The following SHB variants were observed in gnomAD, a reference collection of about 807,000 sequenced individuals.
SHB encodes the protein SH2 domain-containing adapter protein B.
SHB carries 20 observed loss-of-function variants against 52.3 expected under a neutral mutation model. That is an observed-to-expected ratio of 0.38 (90% CI 0.27 to 0.56). The LOEUF (loss-of-function observed/expected upper bound fraction) is 0.56. Among genes scored for constraint, SHB ranks in the 20% least tolerant of loss-of-function variants. The pLI is 0.71. For missense variants in SHB, 825 were observed against 723.3 expected, an observed-to-expected ratio of 1.14 and a Z score of -1.61; for synonymous variants, 397 against 316.5, an observed-to-expected ratio of 1.25 and a Z score of -2.70.
At chr9:38,016,259 C>T (rs1408144668) in intron 1 of SHB, 128 bp from the exon 2 acceptor site, 5 of 901,452 alleles carry the variant, frequency 5.5e-6, no homozygotes, top group South Asian at 1.7e-5. Context: ...CTAAAGCCGG[C>T]GCCCGGACTC....
intron 1 of SHB, among the ~76,000 whole-genome samples, chr9:38,067,169 C>G (rs984783302): frequency 2.0e-5 from 3 of 151,998 alleles, no homozygotes; most frequent in Non-Finnish European, 4.4e-5. Flanking sequence ...GTTCCTGGGA[C>G]CTTATGGGGT....
chr9:37,959,959 C>T (rs947260815), intron 3 of SHB, among the ~76,000 whole-genome samples: 16 of 152,122 alleles, frequency 1.1e-4, no homozygotes, highest in Admixed American at 7.2e-4. Context: ...AATGAAGAAA[C>T]TTAATGAACT....
chr9:38,003,083 G>A (rs1821038553), intron 2 of SHB, among the ~76,000 whole-genome samples: 1 of 152,184 alleles, frequency 6.6e-6, no homozygotes, highest in Admixed American at 6.5e-5. Context: ...ATTTCTGGGT[G>A]TAAATTAGAC....
intron 1 of SHB, among the ~76,000 whole-genome samples, chr9:38,066,853 C>G (rs570992458): frequency 1.3e-5 from 2 of 152,276 alleles, no homozygotes; most frequent in African/African-American, 4.8e-5. Context: ...GACTCTTAAT[C>G]AGTCTCCCCC....
chr9:37,922,723 C>T (rs1016126523), intron 5 of SHB, among the ~76,000 whole-genome samples: 4 of 152,142 alleles, frequency 2.6e-5, no homozygotes, highest in African/African-American at 4.8e-5. Context: ...GAGAAAGGCG[C>T]GTTCACATGC....
At chr9:37,985,234 A>G (rs1820790050) in intron 2 of SHB, among the ~76,000 whole-genome samples, 1 of 152,232 alleles carries the variant, frequency 6.6e-6, no homozygotes, top group Admixed American at 6.5e-5. Context: ...GGCAAGGGAA[A>G]GGCCCAAGTC....
intron 1 of SHB, among the ~76,000 whole-genome samples, chr9:38,036,408 C>T (rs1285618737): frequency 6.6e-6 from 1 of 152,252 alleles, no homozygotes; most frequent in Non-Finnish European, 1.5e-5. Context: ...AGCGCAGCCA[C>T]AGCAAACTCT....
Position 38,021,628 on chromosome 9 carries a change from A to G in SHB, c.718-5497T>C, listed in dbSNP as rs192049237. Reference sequence around the variant, plus strand: ...GGTTGCAGTTAGCTGAGATCGTGCCACTGCACTCCAGCCTGGGTGACACAG... The same window carrying G: ...GGTTGCAGTTAGCTGAGATCGTGCCGCTGCACTCCAGCCTGGGTGACACAG... On this transcript the variant is annotated intron_variant, in intron 1 of 5. Coordinates refer to ENST00000377707, the MANE Select transcript of SHB (RefSeq NM_003028.3). 1.1e-3 allele frequency among the ~76,000 whole-genome samples: 163 copies of G among 152,164 alleles called. 1 individual carries two copies. Among genetic ancestry groups the G allele is most frequent in the Non-Finnish European group, 2.9e-4 (20 of 67,982 alleles).
At chr9:37,995,848 T>C (rs10973634) in intron 2 of SHB, among the ~76,000 whole-genome samples, 64,932 of 151,888 alleles carry the variant, frequency 0.43, 14,261 homozygotes, top group Middle Eastern at 0.51. Context: ...TCCCTTACGT[T>C]TGCCAGAGGG....
chr9:38,040,216 C>T (rs1237173116), intron 1 of SHB, among the ~76,000 whole-genome samples: 7 of 152,164 alleles, frequency 4.6e-5, no homozygotes, highest in Non-Finnish European at 1.5e-5. Flanking sequence ...GGGCACAACT[C>T]GATGGGGAAA....
At chr9:38,066,893 G>C (rs1164785748) in intron 1 of SHB, among the ~76,000 whole-genome samples, 1 of 152,160 alleles carries the variant, frequency 6.6e-6, no homozygotes, top group Non-Finnish European at 1.5e-5. Flanking sequence ...GTTTACCTTT[G>C]GGGGAAGAAG....
chr9:38,032,502 G>A (rs1197723757), intron 1 of SHB, among the ~76,000 whole-genome samples: 1 of 152,188 alleles, frequency 6.6e-6, no homozygotes, highest in Non-Finnish European at 1.5e-5. Context: ...TGCGCCAACC[G>A]TGAGCAAAGG....
intron 5 of SHB, among the ~76,000 whole-genome samples, 178 bp downstream of exon 5, chr9:37,948,457 T>C (rs1161834662): frequency 6.6e-6 from 1 of 152,096 alleles, no homozygotes; most frequent in Non-Finnish European, 1.5e-5. Context: ...ACAGTGAACA[T>C]AAAAACTCCT....
chr9:38,039,117 G>A (rs1354261872), intron 1 of SHB, among the ~76,000 whole-genome samples: 2 of 152,124 alleles, frequency 1.3e-5, no homozygotes, highest in East Asian at 1.9e-4. Context: ...TTTCTTCCCC[G>A]GAAAAATGTG....
chr9:38,027,526 T>C (rs898517657), intron 1 of SHB, among the ~76,000 whole-genome samples: 3 of 151,614 alleles, frequency 2.0e-5, no homozygotes, highest in African/African-American at 7.3e-5. Context: ...AAAATGCAAG[T>C]GGTTGATCTG....
chr9:37,952,984 G>C (rs1832583710), intron 4 of SHB, among the ~76,000 whole-genome samples: 1 of 152,024 alleles, frequency 6.6e-6, no homozygotes, highest in Admixed American at 6.5e-5. Flanking sequence ...GATCCTGGGA[G>C]AGACAACCCA....
intron 3 of SHB, among the ~76,000 whole-genome samples, chr9:37,960,436 T>C (rs753212173): frequency 2.0e-5 from 3 of 152,150 alleles, no homozygotes; most frequent in Non-Finnish European, 4.4e-5. Context: ...ATTTCACCTA[T>C]GGGCAATTAA....
At chr9:37,994,583 G>A (rs1379483011) in intron 2 of SHB, among the ~76,000 whole-genome samples, 7 of 152,208 alleles carry the variant, frequency 4.6e-5, no homozygotes, top group African/African-American at 1.7e-4. Flanking sequence ...CTCTGTTGTG[G>A]AGTGGGGAGA....
At chr9:38,063,709 A>C (rs933609730) in intron 1 of SHB, among the ~76,000 whole-genome samples, 3 of 152,126 alleles carry the variant, frequency 2.0e-5, no homozygotes, top group Admixed American at 6.5e-5. Context: ...CAAACTGAGA[A>C]GCTTCCTTTT....
Sources: gnomAD v4.1 joint callset for allele counts (sites outside exome capture counted in the v4.1 genomes callset) on GRCh38, gnomAD v4.1.1 for gene constraint, MANE v1.5 for transcripts, NCBI Gene and HGNC (gene_info 2026-07-23, HGNC 2026-07-21) for gene names.